ANO3: variants seen among roughly 807,000 people sequenced by gnomAD.
ANO3 encodes anoctamin 3, also known as anoctamin-3.
A neutral mutation model predicts 144.8 loss-of-function variants in ANO3; 99 were observed. The ratio of observed to expected loss-of-function variants is 0.68; its 90% CI spans 0.58 to 0.81. The LOEUF is 0.81. Among genes scored for constraint, ANO3 ranks in the 30% least tolerant of loss-of-function variants. ANO3 has a pLI of 0.00. For missense variants in ANO3, 905 were observed against 1,202.2 expected, an observed-to-expected ratio of 0.75 and a Z score of 3.66; for synonymous variants, 414 against 392.6, an observed-to-expected ratio of 1.05 and a Z score of -0.64.
At chr11:26,525,611 A>T in intron 6 of ANO3, 24 bp from the exon 7 acceptor site, 1 of 1,601,064 alleles carries the variant, frequency 6.2e-7, no homozygotes, top group South Asian at 1.1e-5. Flanking sequence ...GGCTTTCCTT[A>T]GCTGTTTTCT....
intron 12 of ANO3, among the ~76,000 whole-genome samples, chr11:26,552,184 A>G (rs1849950790): frequency 6.6e-6 from 1 of 152,032 alleles, no homozygotes; most frequent in African/African-American, 2.4e-5. Context: ...TTTGACAGAC[A>G]TAAAATCATC....
At position 26,315,686 on chromosome 11, in the gene ANO3, C is replaced by CATCTATCT. The variant is rs764949318; in HGVS notation, c.-3+5985_-3+5992dup. On this transcript the variant is annotated intron_variant, in intron 1 of 26. Transcript: ENST00000525139. The stretch of plus-strand genomic sequence containing the variant: ...CTATCTATCTATCTATCTATCTATC[C>CATCTATCT]ATCTATCTATCTATCTATCTATCTA... 7.0e-3 allele frequency among the ~76,000 whole-genome samples: 759 copies of CATCTATCT among 108,320 alleles called. 11 individuals are homozygous for CATCTATCT. The highest frequency in any genetic ancestry group is 0.02 in the African/African-American group (682 of 34,824). The allele number at this position is 108,320 out of a possible 152,430, so 71.1% of individuals were successfully genotyped here.
intron 1 of ANO3, among the ~76,000 whole-genome samples, chr11:26,395,031 CT>C (rs1188706377): frequency 6.6e-6 from 1 of 152,106 alleles, no homozygotes; most frequent in Non-Finnish European, 1.5e-5. Context: ...GACCTGACCC[CT>C]GTGGAATTTT....
chr11:26,197,544 G>A (rs996670093), intron 1 of ANO3, among the ~76,000 whole-genome samples: 1 of 151,948 alleles, frequency 6.6e-6, no homozygotes, highest in Non-Finnish European at 1.5e-5. Flanking sequence ...GTAGAGACGG[G>A]GTTTCACCAT....
intron 4 of ANO3, among the ~76,000 whole-genome samples, chr11:26,464,047 T>G (rs1185951925): frequency 1.3e-5 from 2 of 151,902 alleles, no homozygotes; most frequent in Non-Finnish European, 2.9e-5. Flanking sequence ...TACAATTTTC[T>G]TGGTGATATT....
intron 14 of ANO3, among the ~76,000 whole-genome samples, chr11:26,590,729 G>A (rs755585109): frequency 1.3e-5 from 2 of 152,230 alleles, no homozygotes; most frequent in South Asian, 2.1e-4. Flanking sequence ...GATCCAGAGC[G>A]GCAAAGGGCG....
At chr11:26,651,998 A>G (rs925270377) in intron 24 of ANO3, among the ~76,000 whole-genome samples, 3 of 152,020 alleles carry the variant, frequency 2.0e-5, no homozygotes, top group Non-Finnish European at 4.4e-5. Flanking sequence ...ATCCTTAACC[A>G]TCTTACAAAC....
chr11:26,326,026 G>A (rs1218727682), intron 1 of ANO3, among the ~76,000 whole-genome samples: 1 of 152,140 alleles, frequency 6.6e-6, no homozygotes, highest in Non-Finnish European at 1.5e-5. Context: ...TCTCTGCTAA[G>A]TCAAGAAGAG....
At chr11:26,512,215 G>C (rs1861691533) in intron 5 of ANO3, among the ~76,000 whole-genome samples, 1 of 152,176 alleles carries the variant, frequency 6.6e-6, no homozygotes, top group Non-Finnish European at 1.5e-5. Context: ...TTTCCACCCT[G>C]TGCTAACAAT....
intron 1 of ANO3, among the ~76,000 whole-genome samples, chr11:26,399,527 TG>T (rs1218403603): frequency 6.6e-6 from 1 of 151,914 alleles, no homozygotes; most frequent in African/African-American, 2.4e-5. Context: ...GACTTCGTTC[TG>T]TCTCTGTGGG....
At chr11:26,557,525 T>C (rs1850123926) in intron 13 of ANO3, among the ~76,000 whole-genome samples, 1 of 152,006 alleles carries the variant, frequency 6.6e-6, no homozygotes, top group African/African-American at 2.4e-5. Context: ...AAAGGCAAGC[T>C]GTTTTTCTAA....
chr11:26,409,741 C>G (rs180804070), intron 1 of ANO3, among the ~76,000 whole-genome samples: 28 of 151,956 alleles, frequency 1.8e-4, no homozygotes, highest in African/African-American at 6.7e-4. Flanking sequence ...TCTGTTTGTG[C>G]CTTGGCAGGA....
intron 3 of ANO3, among the ~76,000 whole-genome samples, chr11:26,447,910 G>C (rs1180874686): frequency 6.6e-6 from 1 of 152,124 alleles, no homozygotes; most frequent in African/African-American, 2.4e-5. Context: ...TCAGTATGCT[G>C]GAAAATGACA....
intron 1 of ANO3, among the ~76,000 whole-genome samples, chr11:26,424,767 A>G (rs917978099): frequency 2.0e-5 from 3 of 152,080 alleles, no homozygotes; most frequent in African/African-American, 4.8e-5. Context: ...ATCCTATGCT[A>G]TTTCTTGGAC....
At chr11:26,486,968 A>G (rs1268922962) in intron 4 of ANO3, among the ~76,000 whole-genome samples, 4 of 152,186 alleles carry the variant, frequency 2.6e-5, no homozygotes, top group Admixed American at 2.6e-4. Context: ...GCTCCTAGTC[A>G]CCATTATTTA....
intron 5 of ANO3, 190 bp downstream of exon 5, chr11:26,508,452 G>A (rs1306552471): frequency 4.4e-6 from 2 of 453,564 alleles, no homozygotes; most frequent in Non-Finnish European, 7.4e-6. Context: ...ATATAATTCT[G>A]TACAATTTAA....
At chr11:26,292,169 T>G (rs113477292) in intron 1 of ANO3, among the ~76,000 whole-genome samples, 9,821 of 152,146 alleles carry the variant, frequency 0.065, 1,017 homozygotes, top group African/African-American at 0.22. Context: ...TGATCTTCAA[T>G]CACTGATAGC....
intron 1 of ANO3, among the ~76,000 whole-genome samples, chr11:26,298,136 T>A (rs1260657032): frequency 1.3e-5 from 2 of 152,206 alleles, no homozygotes; most frequent in African/African-American, 4.8e-5. Flanking sequence ...GATCAAAATG[T>A]CAATTGTGAA....
chr11:26,368,139 C>G (rs1178075374), intron 1 of ANO3, among the ~76,000 whole-genome samples: 1 of 152,190 alleles, frequency 6.6e-6, no homozygotes, highest in African/African-American at 2.4e-5. Flanking sequence ...TTTTCTCTCT[C>G]CAGATGAAAT....
Sources: gnomAD v4.1 joint callset for allele counts (sites outside exome capture counted in the v4.1 genomes callset) on GRCh38, gnomAD v4.1.1 for gene constraint, MANE v1.5 for transcripts, NCBI Gene and HGNC (gene_info 2026-07-23, HGNC 2026-07-21) for gene names.